The following SLC6A19 variants were observed in gnomAD, a reference collection of about 807,000 sequenced individuals.
The protein encoded by SLC6A19 is sodium-dependent neutral amino acid transporter B(0)AT1.
SLC6A19 carries 67 observed loss-of-function variants against 68.3 expected under a neutral mutation model. The observed-to-expected ratio is 0.98, with a 90% confidence interval of 0.81 to 1.20. SLC6A19 has a LOEUF of 1.20. Ranked by LOEUF, SLC6A19 falls within the 50% of genes most tolerant of loss-of-function variation. The probability of loss-of-function intolerance (pLI) is 0.00; values close to 1 mark genes in which losing one functional copy is unlikely to be tolerated. For synonymous variants in SLC6A19, 392 were observed against 374.9 expected (o/e 1.05, Z -0.53); for missense variants, 813 against 851.6 (o/e 0.95, Z 0.56).
chr5:1,211,835 CATGTGT>C (rs1279957537), intron 3 of SLC6A19, among the ~76,000 whole-genome samples: 20 of 127,204 alleles, frequency 1.6e-4, no homozygotes, highest in Admixed American at 5.1e-4. Flanking sequence ...TGTGCATGTG[CATGTGT>C]GGGGTGTGCA....
chr5:1,218,061 C>A (rs1746257401), intron 8 of SLC6A19, among the ~76,000 whole-genome samples: 1 of 152,168 alleles, frequency 6.6e-6, no homozygotes, highest in African/African-American at 2.4e-5. Context: ...CCTCCCACCT[C>A]CTGCCCTGCA....
intron 1 of SLC6A19, among the ~76,000 whole-genome samples, chr5:1,202,729 C>G (rs1322944291): frequency 6.6e-6 from 1 of 152,170 alleles, no homozygotes; most frequent in Non-Finnish European, 1.5e-5. Flanking sequence ...TTAGAGGAGT[C>G]TGCCCTCAGG....
rs539756142 is a variant in SLC6A19, at chr5:1,210,763, G to A, written c.481+182G>A. ...TTAAAAGTGGTGGCTCTTGTGTGGG[G>A]GGCGTGGTGGAGGATGAGACCCTTG... On this transcript the variant is annotated intron_variant, in intron 3 of 11. Transcript: ENST00000304460. 2.8e-3 allele frequency among the ~76,000 whole-genome samples: 426 copies of A among 152,334 alleles called. 5 individuals carry two copies. The highest frequency in any genetic ancestry group is 9.9e-3 in the African/African-American group (412 of 41,574).
chr5:1,220,565 A>G (rs574552760), intron 10 of SLC6A19, among the ~76,000 whole-genome samples: 2 of 152,276 alleles, frequency 1.3e-5, no homozygotes, highest in East Asian at 3.9e-4. Context: ...TGTGAGGTGC[A>G]TGCATAACCA....
At position 1,216,927 on chromosome 5, in the gene SLC6A19, C is replaced by T; in HGVS notation, c.1155C>T (p.Ile385=). The T allele has an allele frequency of 4.3e-6, 7 of 1,613,132 alleles. No homozygotes were observed. The highest frequency in any genetic ancestry group is 5.9e-6 in the Non-Finnish European group (7 of 1,180,022). Residue 385 remains isoleucine, a synonymous_variant, in exon 8 of 12, where the codon ATC becomes ATT. Coordinates refer to ENST00000304460, the MANE Select transcript of SLC6A19 (RefSeq NM_001003841.3). ...YAQLVFQTCD[I]NAFLSEAVEG... Reference sequence around the variant, plus strand: ...AGCTGGTGTTCCAGACCTGCGACATCAACGCCTTCCTCTCAGAGGTAGGTC... The same window carrying T: ...AGCTGGTGTTCCAGACCTGCGACATTAACGCCTTCCTCTCAGAGGTAGGTC...
In SLC6A19 at chr5:1,224,670, CGGTTGAGGGGTGCAGTG is replaced by C. The variant is rs1449566531; in HGVS notation, c.*2767_*2783del. The C allele has an allele frequency of 6.6e-6, 1 of 152,338 alleles. No homozygotes were observed. Among genetic ancestry groups the C allele is most frequent in the East Asian group, 1.9e-4 (1 of 5,194 alleles). The allele number at this position is 152,338 out of a possible 1,614,324, so 9.4% of individuals were successfully genotyped here. A position where few individuals can be genotyped will look rare whatever the true frequency, so the allele number is the denominator to read the frequency against. On this transcript the variant is annotated 3_prime_UTR_variant, in exon 12 of 12. Transcript: ENST00000304460. Reference sequence around the variant, plus strand: ...TCATGGATTTGGAGTTGTGGCCACACGGTTGAGGGGTGCAGTGTCCAGTGGAATGGGGCAATTGCGGG... The same window carrying C: ...TCATGGATTTGGAGTTGTGGCCACACTCCAGTGGAATGGGGCAATTGCGGG...
chr5:1,221,802 C>T lies in SLC6A19; in HGVS notation c.1803C>T (p.Ala601=). The T allele has an allele frequency of 6.2e-7, 1 of 1,614,194 alleles. No homozygotes were observed. The highest frequency in any genetic ancestry group is 8.5e-7 in the Non-Finnish European group (1 of 1,180,024). Residue 601 remains alanine, a synonymous_variant, in exon 12 of 12, where the codon GCC becomes GCT. Coordinates refer to ENST00000304460, the MANE Select transcript of SLC6A19 (RefSeq NM_001003841.3). ...CCTCCCTCACCATCCCTGGCTATGCCATCTACAAGCTCATCAGGAACCACT... is the reference window on the plus strand; with the variant it reads ...CCTCCCTCACCATCCCTGGCTATGCTATCTACAAGCTCATCAGGAACCACT... ...GVPSLTIPGY[A]IYKLIRNHCQ...
intron 11 of SLC6A19, among the ~76,000 whole-genome samples, 190 bp from the exon 12 acceptor site, chr5:1,221,511 A>G (rs1746381459): frequency 6.6e-6 from 1 of 151,908 alleles, no homozygotes; most frequent in Non-Finnish European, 1.5e-5. Flanking sequence ...AATGTGTCAC[A>G]CCATCCCAGG....
At chr5:1,221,392 G>T in intron 11 of SLC6A19, 79 bp downstream of exon 11, 2 of 1,545,798 alleles carry the variant, frequency 1.3e-6, no homozygotes, top group Non-Finnish European at 1.8e-6. Context: ...CACACATGGC[G>T]CATGCACACA....
At chr5:1,213,053 G>T (rs1471385956) in intron 4 of SLC6A19, among the ~76,000 whole-genome samples, 8 of 89,352 alleles carry the variant, frequency 9.0e-5, no homozygotes, top group Non-Finnish European at 1.5e-4. Context: ...ATACCCAGCC[G>T]CCCGCAGGCC....
Position 1,219,587 on chromosome 5 carries a change from C to T in SLC6A19, c.1461C>T (p.Ser487=). The change falls in exon 10 of 12, where the codon AGC becomes AGT. Residue 487 remains serine, a synonymous_variant. Transcript: ENST00000304460. ...AGTACTGGCTCTCCCTGCTGGACAG[C>T]TATGCCGGCTCCATTCCCCTGCTCA... ...SGQYWLSLLD[S]YAGSIPLLII... 1 of 1,611,742 alleles carries T rather than the reference C, an allele frequency of 6.2e-7. No homozygotes were observed.
intron 1 of SLC6A19, among the ~76,000 whole-genome samples, chr5:1,207,273 G>A (rs905538350): frequency 3.9e-5 from 6 of 152,212 alleles, no homozygotes; most frequent in African/African-American, 1.2e-4. Context: ...CTTGGGCACC[G>A]TCATGATGCC....
rs368962313 is a variant in SLC6A19, at chr5:1,209,023, G to A, written c.343+137G>A. On this transcript the variant is annotated intron_variant, in intron 2 of 11. Coordinates refer to ENST00000304460, the MANE Select transcript of SLC6A19 (RefSeq NM_001003841.3). This position sits in a 1 kb window ranked among gnomAD's most constrained non-coding sequence, Gnocchi z 5.5. Reference sequence around the variant, plus strand: ...CCCTGTCTGTTTCTGGTGCAACAAAGGTCCCAGCTTCATCTCCTGGAGGCC... The same window carrying A: ...CCCTGTCTGTTTCTGGTGCAACAAAAGTCCCAGCTTCATCTCCTGGAGGCC... 2.5e-6 allele frequency: 3 copies of A among 1,217,188 alleles called. No individual in the cohort carries two copies. Among genetic ancestry groups the A allele is most frequent in the Non-Finnish European group, 1.1e-6 (1 of 903,402 alleles). 75.4% of individuals were successfully genotyped at this position (1,217,188 alleles called of 1,614,324 possible). A position where few individuals can be genotyped will look rare whatever the true frequency, so the allele number is the denominator to read the frequency against.
chr5:1,203,600 G>A (rs1433858689), intron 1 of SLC6A19, among the ~76,000 whole-genome samples: 4 of 152,100 alleles, frequency 2.6e-5, no homozygotes, highest in African/African-American at 9.7e-5. Context: ...TCACCTGCTA[G>A]ACTCTGAGGG....
chr5:1,211,699 G>A (rs1322499734), intron 3 of SLC6A19, among the ~76,000 whole-genome samples: 1 of 151,232 alleles, frequency 6.6e-6, no homozygotes, highest in Non-Finnish European at 1.5e-5. Flanking sequence ...ATGTGCATGT[G>A]TGGGGTGTAG....
chr5:1,214,163 T>G lies in SLC6A19; in HGVS notation c.887+98T>G. ...AGGTGGAAAGCACTCTGTGGCTGTG[T>G]GGCCGGGGCCTTGCTGCCCCGATGG... On this transcript the variant is annotated intron_variant, in intron 6 of 11. Coordinates refer to ENST00000304460, the MANE Select transcript of SLC6A19 (RefSeq NM_001003841.3). The surrounding 1 kb of genome is among the most constrained non-coding windows in gnomAD (Gnocchi z 7.4). The G allele has an allele frequency of 6.3e-7, 1 of 1,577,474 alleles. No homozygotes were observed. Among genetic ancestry groups the G allele is most frequent in the Non-Finnish European group, 8.6e-7 (1 of 1,162,352 alleles).
At chr5:1,211,268 CG>C (rs1746021130) in intron 3 of SLC6A19, among the ~76,000 whole-genome samples, 1 of 152,182 alleles carries the variant, frequency 6.6e-6, no homozygotes, top group East Asian at 1.9e-4. Context: ...CTGGGACTGT[CG>C]GGGCCCTTTC....
At chr5:1,201,883 G>C (rs2126488170) in intron 1 of SLC6A19, 31 bp downstream of exon 1, 1 of 1,598,242 alleles carries the variant, frequency 6.3e-7, no homozygotes, top group Middle Eastern at 1.7e-4. Context: ...TGCGGGCGAG[G>C]CCGTGGCCAG....
intron 9 of SLC6A19, 121 bp from the exon 10 acceptor site, chr5:1,219,384 C>G: frequency 1.4e-6 from 2 of 1,410,810 alleles, no homozygotes; most frequent in East Asian, 2.4e-5. Context: ...GTGCAGCCCC[C>G]GGGTGTGTGA....
Sources: allele counts gnomAD v4.1 joint callset (sites outside exome capture counted in the v4.1 genomes callset), GRCh38; gene constraint gnomAD v4.1.1; non-coding constraint Gnocchi (gnomAD v3.1); transcripts MANE v1.5; gene names NCBI Gene and HGNC (gene_info 2026-07-23, HGNC 2026-07-21).